DDC: variants seen among roughly 807,000 people sequenced by gnomAD.
DDC encodes the protein dopa decarboxylase.
A neutral mutation model predicts 60.0 loss-of-function variants in DDC; 43 were observed. The ratio of observed to expected loss-of-function variants is 0.72; its 90% CI spans 0.56 to 0.92. The LOEUF (loss-of-function observed/expected upper bound fraction) is 0.92. Ranked by LOEUF, DDC falls within the 40% of genes least tolerant of loss-of-function variation. The pLI, the probability that DDC is intolerant of heterozygous loss-of-function variation, is 0.00. For synonymous variants in DDC, 232 were observed against 234.6 expected (o/e 0.99, Z 0.10); for missense variants, 573 against 620.2 (o/e 0.92, Z 0.81).
intron 1 of DDC, among the ~76,000 whole-genome samples, chr7:50,557,633 G>A (rs980301663): frequency 1.3e-5 from 2 of 152,132 alleles, no homozygotes; most frequent in African/African-American, 2.4e-5. Flanking sequence ...GGATTTCACC[G>A]TGTTCCTATG....
chr7:50,466,447 T>A (rs985686869), intron 13 of DDC, among the ~76,000 whole-genome samples: 1 of 136,434 alleles, frequency 7.3e-6, no homozygotes, highest in African/African-American at 2.8e-5. Context: ...ATTACACCAC[T>A]GCACTCCAGC....
At chr7:50,470,229 T>G in intron 11 of DDC, 58 bp from the exon 12 acceptor site, 1 of 1,309,206 alleles carries the variant, frequency 7.6e-7, no homozygotes, top group Non-Finnish European at 1.1e-6. Flanking sequence ...CTGGCTTCCT[T>G]TTCGGCTCAC....
intron 9 of DDC, among the ~76,000 whole-genome samples, chr7:50,484,775 G>T (rs544212907): frequency 1.3e-5 from 2 of 152,048 alleles, no homozygotes; most frequent in South Asian, 2.1e-4. Context: ...CATTCCTAGG[G>T]GATCAGGAAA....
At chr7:50,467,455 C>T in intron 12 of DDC, 140 bp from the exon 13 acceptor site, 1 of 710,666 alleles carries the variant, frequency 1.4e-6, no homozygotes, top group Non-Finnish European at 2.5e-6. Flanking sequence ...TTTTACCGTT[C>T]ACTGACCAGC....
intron 14 of DDC, chr7:50,459,715 G>A (rs1318803088): frequency 1.7e-4 from 28 of 164,778 alleles, no homozygotes; most frequent in African/African-American, 5.6e-4. Flanking sequence ...GAGACCCTCC[G>A]CCTGGCAACC....
intron 9 of DDC, among the ~76,000 whole-genome samples, chr7:50,495,088 C>T (rs560528695): frequency 3.9e-5 from 6 of 152,214 alleles, no homozygotes; most frequent in Non-Finnish European, 7.3e-5. Context: ...CATTTGTTTT[C>T]TGTCAATGCT....
chr7:50,538,996 T>A (rs1318475644), intron 3 of DDC: 1 of 152,290 alleles, frequency 6.6e-6, no homozygotes, highest in East Asian at 1.9e-4. Flanking sequence ...CCCGGCAACT[T>A]CCAGTGCCCC....
At chr7:50,515,988 A>G (rs1040307544) in intron 6 of DDC, among the ~76,000 whole-genome samples, 2 of 152,242 alleles carry the variant, frequency 1.3e-5, no homozygotes, top group Admixed American at 6.5e-5. Context: ...GGGAGACTTT[A>G]GTACTCCACT....
intron 6 of DDC, among the ~76,000 whole-genome samples, chr7:50,519,573 T>C (rs1383812579): frequency 1.3e-5 from 2 of 152,178 alleles, no homozygotes; most frequent in Non-Finnish European, 2.9e-5. Context: ...TAAAAAGTAA[T>C]GAATTAACAG....
At chr7:50,545,298 G>A (rs1318548969) in intron 1 of DDC, among the ~76,000 whole-genome samples, 1 of 152,112 alleles carries the variant, frequency 6.6e-6, no homozygotes, top group East Asian at 1.9e-4. Flanking sequence ...TGACATTGGG[G>A]GTTACAAATG....
At chr7:50,518,211 CA>C (rs58099021) in intron 6 of DDC, among the ~76,000 whole-genome samples, 100 of 125,602 alleles carry the variant, frequency 8.0e-4, no homozygotes, top group South Asian at 2.1e-3. Flanking sequence ...GACTCCATCT[CA>C]AAAAAAAAAA....
At chr7:50,545,639 A>G (rs2044777878) in intron 1 of DDC, among the ~76,000 whole-genome samples, 1 of 152,060 alleles carries the variant, frequency 6.6e-6, no homozygotes, top group Non-Finnish European at 1.5e-5. Flanking sequence ...TGCCCAGCTA[A>G]TTTTTGTATT....
At chr7:50,501,800 A>G (rs1193198317) in intron 7 of DDC, among the ~76,000 whole-genome samples, 1 of 152,204 alleles carries the variant, frequency 6.6e-6, no homozygotes, top group African/African-American at 2.4e-5. Context: ...TTGGCCGGAC[A>G]CAGTGGGTTA....
chr7:50,543,314 TGTGA>T (rs1485781103), intron 2 of DDC: 1 of 172,072 alleles, frequency 5.8e-6, no homozygotes, highest in Non-Finnish European at 1.3e-5. Context: ...TCTGCTGCCC[TGTGA>T]GTGAGTATCG....
chr7:50,559,428 C>CT (rs60591197), intron 1 of DDC, among the ~76,000 whole-genome samples: 12,192 of 143,154 alleles, frequency 0.085, 764 homozygotes, highest in South Asian at 0.14. Context: ...CAGAACATTT[C>CT]TTTTTTTTTT....
At chr7:50,551,229 C>CTTTT (rs58446864) in intron 1 of DDC, among the ~76,000 whole-genome samples, 1 of 133,028 alleles carries the variant, frequency 7.5e-6, no homozygotes, top group Non-Finnish European at 1.6e-5. Flanking sequence ...TTCCGTTGTA[C>CTTTT]TTTTTTTTTT....
chr7:50,470,144 ATCT>A lies in DDC; in HGVS notation c.1066_1068del (p.Arg356del). On this transcript the variant is annotated inframe_deletion, in exon 12 of 15. Transcript: ENST00000444124. ...ACAAACCACATTTTCAAAGAGCGAA[ATCT>A]TCTGCCCAGTGGTATCTGCCAATGC... The A allele has an allele frequency of 1.2e-6, 2 of 1,613,364 alleles. No individual in the cohort carries two copies. Among genetic ancestry groups the A allele is most frequent in the Non-Finnish European group, 1.7e-6 (2 of 1,179,306 alleles).
chr7:50,459,940 G>T (rs1585123367), intron 14 of DDC, among the ~76,000 whole-genome samples: 4 of 141,590 alleles, frequency 2.8e-5, no homozygotes, highest in East Asian at 2.2e-4. Context: ...GGGGGGGTCA[G>T]CCCCCTGCCC....
Position 50,462,812 on chromosome 7 carries a change from C to T in DDC, c.*18+401G>A, listed in dbSNP as rs1394879286. Among the ~76,000 whole-genome samples the T allele has an allele frequency of 2.9e-5, 4 of 138,542 alleles. No individual in the cohort carries two copies. In the East Asian group the frequency reaches 8.2e-4, roughly 28 times the overall value. 90.9% of individuals were successfully genotyped at this position (138,542 alleles called of 152,430 possible). On this transcript the variant is annotated intron_variant, in intron 14 of 14. Transcript: ENST00000444124. ...TTTGGACTGAGTCCTGCATTATCGCCAGGCTGTAACGCAGTGGCGCGATCT... is the reference window on the plus strand; with the variant it reads ...TTTGGACTGAGTCCTGCATTATCGCTAGGCTGTAACGCAGTGGCGCGATCT...
Sources: allele counts gnomAD v4.1 joint callset (sites outside exome capture counted in the v4.1 genomes callset), GRCh38; gene constraint gnomAD v4.1.1; transcripts MANE v1.5; gene names NCBI Gene and HGNC (gene_info 2026-07-23, HGNC 2026-07-21).